Variants in XRRA1 observed in about 807,000 individuals in gnomAD.
XRRA1 encodes the protein X-ray radiation resistance-associated protein 1.
A neutral mutation model predicts 80.2 loss-of-function variants in XRRA1; 69 were observed. The observed-to-expected ratio is 0.86, with a 90% CI of 0.71 to 1.05. The LOEUF (loss-of-function observed/expected upper bound fraction) is 1.05, where lower values mean the gene tolerates loss of function less well. Ranked by LOEUF, XRRA1 falls within the 50% of genes least tolerant of loss-of-function variation. The pLI is 0.00. For missense variants in XRRA1, 967 were observed against 976.4 expected, an observed-to-expected ratio of 0.99 and a Z score of 0.13; for synonymous variants, 348 against 389.9, an observed-to-expected ratio of 0.89 and a Z score of 1.27.
rs575792476 is a variant in XRRA1 at position 74,862,512 on chromosome 11, T to C, written c.1044+469A>G. On this transcript the variant is annotated intron_variant, in intron 11 of 18. Transcript: ENST00000684022. ...GCATCTGCCATGAGAGAAAAAACAA[T>C]TTTCTGTGCTGATGAAAATCAAGGG... Among the ~76,000 whole-genome samples the C allele has an allele frequency of 1.5e-4, 23 of 152,296 alleles. No individual in the cohort carries two copies. In the South Asian group the frequency reaches 4.8e-3, roughly 32 times the overall value.
intron 11 of XRRA1, among the ~76,000 whole-genome samples, chr11:74,862,076 T>A: frequency 6.6e-6 from 1 of 152,236 alleles, no homozygotes; most frequent in South Asian, 2.1e-4. Flanking sequence ...CAGAACTTTT[T>A]AATTCGCCCT....
chr11:74,849,648 C>T (rs2039279394), intron 14 of XRRA1, among the ~76,000 whole-genome samples: 1 of 152,200 alleles, frequency 6.6e-6, no homozygotes, highest in Admixed American at 6.5e-5. Context: ...CTCTATCCCA[C>T]CGCTACTTTC....
At chr11:74,859,754 G>A (rs2041935300) in intron 11 of XRRA1, among the ~76,000 whole-genome samples, 1 of 152,064 alleles carries the variant, frequency 6.6e-6, no homozygotes, top group South Asian at 2.1e-4. Context: ...CACCTGCTCT[G>A]ATGGGCTAGC....
intron 8 of XRRA1, among the ~76,000 whole-genome samples, chr11:74,917,381 C>T (rs952108588): frequency 2.0e-5 from 3 of 151,716 alleles, no homozygotes; most frequent in African/African-American, 7.3e-5. Flanking sequence ...TAAATCTTCC[C>T]CTGGAAGACG....
At chr11:74,864,576 C>T (rs1357819118) in intron 10 of XRRA1, among the ~76,000 whole-genome samples, 1 of 152,206 alleles carries the variant, frequency 6.6e-6, no homozygotes, top group Non-Finnish European at 1.5e-5. Flanking sequence ...AGCCTAGAAA[C>T]ACCCCAGGCT....
chr11:74,944,130 CTT>C (rs968988941), intron 2 of XRRA1, among the ~76,000 whole-genome samples: 8 of 152,176 alleles, frequency 5.3e-5, no homozygotes, highest in Admixed American at 5.2e-4. Context: ...GCTGTGAAGT[CTT>C]TCATCAGTAT....
intron 6 of XRRA1, among the ~76,000 whole-genome samples, chr11:74,928,655 T>C (rs1490254190): frequency 6.6e-6 from 1 of 152,210 alleles, no homozygotes; most frequent in Admixed American, 6.5e-5. Context: ...GCCTTCTAAG[T>C]GAACCTGATG....
chr11:74,895,267 CA>C (rs2051977390), intron 10 of XRRA1, among the ~76,000 whole-genome samples: 1 of 152,134 alleles, frequency 6.6e-6, no homozygotes, highest in African/African-American at 2.4e-5. Context: ...GGATGGAGAG[CA>C]CAGCAACCGA....
At chr11:74,892,564 TTAAAC>T (rs2051064232) in intron 10 of XRRA1, among the ~76,000 whole-genome samples, 1 of 152,104 alleles carries the variant, frequency 6.6e-6, no homozygotes, top group Admixed American at 6.5e-5. Flanking sequence ...TGGGATCTAA[TTAAAC>T]TAAAGAGCTT....
rs143569778 is a variant in XRRA1 at position 74,851,883 on chromosome 11, G to T, written c.1264+106C>A. The T allele has an allele frequency of 5.2e-6, 5 of 961,840 alleles. No individual in the cohort carries two copies. In the Admixed American group the frequency reaches 7.6e-5, roughly 15 times the overall value. The allele number at this position is 961,840 out of a possible 1,614,324, so 59.6% of individuals were successfully genotyped here. The stretch of plus-strand genomic sequence containing the variant: ...ATGTACCATGAACCTTGTCCACCCC[G>T]ACACAGAGTAGATCCCAGGGCTTGG... On this transcript the variant is annotated intron_variant, in intron 13 of 18. Coordinates refer to ENST00000684022, the MANE Select transcript of XRRA1 (RefSeq NM_001378157.1).
At chr11:74,873,953 C>G (rs2045471347) in intron 10 of XRRA1, among the ~76,000 whole-genome samples, 1 of 152,026 alleles carries the variant, frequency 6.6e-6, no homozygotes, top group South Asian at 2.1e-4. Context: ...AAAAAAAACT[C>G]AAGGCCAGGC....
intron 10 of XRRA1, among the ~76,000 whole-genome samples, chr11:74,883,715 A>C (rs1013878924): frequency 4.6e-5 from 7 of 151,616 alleles, no homozygotes; most frequent in African/African-American, 1.7e-4. Context: ...GCTGTTCCCC[A>C]CATGATGCCC....
chr11:74,873,659 C>T (rs569021300), intron 10 of XRRA1, among the ~76,000 whole-genome samples: 1 of 152,326 alleles, frequency 6.6e-6, no homozygotes, highest in East Asian at 1.9e-4. Flanking sequence ...TGTGCCCCAA[C>T]TGAGGAAGCA....
At chr11:74,906,902 G>C (rs1299889191) in intron 9 of XRRA1, 1 of 493,012 alleles carries the variant, frequency 2.0e-6, no homozygotes, top group East Asian at 3.5e-5. Context: ...ATCTCCTCCT[G>C]TTTTCCTTTC....
chr11:74,861,695 C>T (rs1443684260), intron 11 of XRRA1, among the ~76,000 whole-genome samples: 1 of 152,214 alleles, frequency 6.6e-6, no homozygotes, highest in African/African-American at 2.4e-5. Context: ...AAATTGTCTT[C>T]CACAAAACTG....
intron 8 of XRRA1, among the ~76,000 whole-genome samples, chr11:74,912,975 G>A (rs562633945): frequency 6.6e-6 from 1 of 152,208 alleles, no homozygotes; most frequent in East Asian, 1.9e-4. Flanking sequence ...TCATCTCTGG[G>A]GATATGAAAG....
At chr11:74,890,162 A>C (rs925664916) in intron 10 of XRRA1, among the ~76,000 whole-genome samples, 61 of 152,226 alleles carry the variant, frequency 4.0e-4, no homozygotes, top group African/African-American at 9.9e-4. Flanking sequence ...TAAAGCACTC[A>C]TCAGCAAATG....
chr11:74,858,276 A>C (rs988965662), intron 12 of XRRA1, among the ~76,000 whole-genome samples: 1 of 152,240 alleles, frequency 6.6e-6, no homozygotes, highest in African/African-American at 2.4e-5. Flanking sequence ...GATTTTCGGC[A>C]AGGGTGTAAC....
At chr11:74,923,919 A>G (rs1941560713) in intron 7 of XRRA1, among the ~76,000 whole-genome samples, 1 of 152,132 alleles carries the variant, frequency 6.6e-6, no homozygotes, top group Non-Finnish European at 1.5e-5. Flanking sequence ...AGTGGTGTGA[A>G]CATGGCTCAC....
Sources: gnomAD v4.1 joint callset for allele counts (sites outside exome capture counted in the v4.1 genomes callset) on GRCh38, gnomAD v4.1.1 for gene constraint, MANE v1.5 for transcripts, NCBI Gene and HGNC (gene_info 2026-07-23, HGNC 2026-07-21) for gene names.